Variants in RTBDN observed in about 807,000 individuals in gnomAD.
The protein encoded by RTBDN is retbindin.
Under a neutral mutation model 21.9 loss-of-function variants are expected in RTBDN, and 24 were observed. The observed-to-expected ratio is 1.10, with a 90% CI of 0.79 to 1.54. The LOEUF is 1.54. Among genes scored for constraint, RTBDN ranks in the 40% most tolerant of loss-of-function variants. RTBDN has a pLI of 0.00. For missense variants in RTBDN, 325 were observed against 315.2 expected, an observed-to-expected ratio of 1.03 and a Z score of -0.23; for synonymous variants, 141 against 125.9, an observed-to-expected ratio of 1.12 and a Z score of -0.80.
intron 4 of RTBDN, 55 bp downstream of exon 4, chr19:12,828,602 C>T (rs1969416164): frequency 1.0e-5 from 14 of 1,393,990 alleles, no homozygotes; most frequent in African/African-American, 8.6e-5. Context: ...CTGCAGGCTC[C>T]GCCCTCTTCC....
chr19:12,826,910 A>G (rs187664864), intron 4 of RTBDN, 39 bp from the exon 5 acceptor site: 1 of 1,403,178 alleles, frequency 7.1e-7, no homozygotes, highest in Non-Finnish European at 9.9e-7. Flanking sequence ...AAGCCTTTGT[A>G]GTTACATTCC....
At chr19:12,827,320 AT>A (rs34634301) in intron 4 of RTBDN, among the ~76,000 whole-genome samples, 26,001 of 120,154 alleles carry the variant, frequency 0.22, 2,114 homozygotes, top group Admixed American at 0.25. Context: ...TGTCCGATTA[AT>A]TTTTTTTTTT....
chr19:12,832,008 T>C (rs1969591153), intron 1 of RTBDN, among the ~76,000 whole-genome samples: 1 of 152,212 alleles, frequency 6.6e-6, no homozygotes. Flanking sequence ...CCTAAGTATG[T>C]GTTTGTATGG....
intron 5 of RTBDN, chr19:12,826,343 G>A (rs998309014): frequency 8.1e-7 from 1 of 1,235,116 alleles, no homozygotes; most frequent in Admixed American, 3.6e-5. Flanking sequence ...GGGAAGGGTG[G>A]GAGCAGGGAC....
rs762263491 is a variant in RTBDN, at chr19:12,828,655, A to G, written c.365+2T>C. ...CACGCCCCTTGCCCCCGCGTCTCCT[A>G]CCAGGCCTGGCAGAGCTCCTCGCAG... On this transcript the variant is annotated splice_donor_variant, in intron 4 of 5. Coordinates refer to ENST00000674343, the MANE Select transcript of RTBDN (RefSeq NM_001270441.2). LOFTEE classifies it high-confidence loss of function. 6.2e-7 allele frequency: 1 copy of G among 1,610,280 alleles called. No individual in the cohort carries two copies. The highest frequency in any genetic ancestry group is 8.5e-7 in the Non-Finnish European group (1 of 1,177,756).
At chr19:12,831,016 TTGTG>T (rs56204944) in intron 1 of RTBDN, among the ~76,000 whole-genome samples, 18,543 of 132,138 alleles carry the variant, frequency 0.14, 1,614 homozygotes, top group African/African-American at 0.26. Context: ...GGTGGAGTGG[TTGTG>T]TGTGTGTGTG....
chr19:12,826,620 G>C (rs1177113511), intron 5 of RTBDN, 155 bp downstream of exon 5: 1 of 705,460 alleles, frequency 1.4e-6, no homozygotes, highest in South Asian at 1.9e-5. Flanking sequence ...CTTGAACCCC[G>C]GAGGCGGAGG....
Position 12,825,776 on chromosome 19 carries a change from C to T in RTBDN, c.620G>A (p.Arg207His). 1 of 1,603,062 alleles carries T rather than the reference C, an allele frequency of 6.2e-7. No homozygotes were observed. The highest frequency in any genetic ancestry group is 8.5e-7 in the Non-Finnish European group (1 of 1,173,716). ...RGREAPSRRS[R>H]SPRTSILDAA... ...GTCCAGGATGGAGGTGCGAGGGCTG[C>T]GGGAACGCCGGGAGGGAGCTTCCCG... The change falls in exon 6 of 6, where the codon CGC becomes CAC. Residue 207 changes from arginine to histidine, a missense_variant. Coordinates refer to ENST00000674343, the MANE Select transcript of RTBDN (RefSeq NM_001270441.2).
rs796889158 is a variant in RTBDN at position 12,834,356 on chromosome 19, T to A, written c.-19+133A>T. 2.0e-5 allele frequency: 13 copies of A among 660,852 alleles called. No homozygotes were observed. In the East Asian group the frequency reaches 3.3e-4, roughly 17 times the overall value. 40.9% of individuals were successfully genotyped at this position (660,852 alleles called of 1,614,324 possible). ...GGTGAGGGGGCGCAGAGCAAAGTTA[T>A]TGCCCTAGGGCTCATGCCCCTCGGG... On this transcript the variant is annotated intron_variant, in intron 1 of 5. Transcript: ENST00000674343. The surrounding 1 kb of genome is among the most constrained non-coding windows in gnomAD (Gnocchi z 4.7).
In RTBDN at chr19:12,826,632, T is replaced by C. The variant is rs1969310503; in HGVS notation, c.462+143A>G. On this transcript the variant is annotated intron_variant, in intron 5 of 5. Transcript: ENST00000674343. ...TCACTTGAACCCCGGAGGCGGAGGT[T>C]GCATCGAGCTGAGATCGCGCCACTG... The C allele has an allele frequency of 5.5e-6, 4 of 720,852 alleles. No individual in the cohort carries two copies. In the East Asian group the frequency reaches 1.1e-4, roughly 20 times the overall value. 44.7% of individuals were successfully genotyped at this position (720,852 alleles called of 1,614,324 possible).
In RTBDN at chr19:12,830,060, G is replaced by A. The variant is rs2145858315; in HGVS notation, c.-18-63C>T. 6.5e-7 allele frequency: 1 copy of A among 1,529,216 alleles called. No homozygotes were observed. The highest frequency in any genetic ancestry group is 8.9e-7 in the Non-Finnish European group (1 of 1,120,790). 94.7% of individuals were successfully genotyped at this position (1,529,216 alleles called of 1,614,324 possible). ...GTGAGCTTAGGGTGGCACCCACCCA[G>A]TGCATACCCAAGAAGCAGTGCCAGG... is the stretch of plus-strand genomic sequence containing the variant. On this transcript the variant is annotated intron_variant, in intron 1 of 5. Coordinates refer to ENST00000674343, the MANE Select transcript of RTBDN (RefSeq NM_001270441.2). This position sits in a 1 kb window ranked among gnomAD's most constrained non-coding sequence, Gnocchi z 4.2.
chr19:12,826,062 T>A (rs1969284401), intron 5 of RTBDN, 129 bp from the exon 6 acceptor site: 1 of 1,413,750 alleles, frequency 7.1e-7, no homozygotes, highest in African/African-American at 1.5e-5. Context: ...GGCCTGGGAG[T>A]CTATGTGCGG....
intron 2 of RTBDN, among the ~76,000 whole-genome samples, chr19:12,829,194 C>CTTTTTTT: frequency 6.8e-6 from 1 of 146,738 alleles, no homozygotes. Context: ...AATCCTTTTC[C>CTTTTTTT]TTTTTTTTTT....
chr19:12,830,984 G>A lies in RTBDN; in HGVS notation c.-18-987C>T, dbSNP rs925458517. 7.2e-6 allele frequency among the ~76,000 whole-genome samples: 1 copy of A among 139,658 alleles called. No individual in the cohort carries two copies. The highest frequency in any genetic ancestry group is 1.5e-5 in the Non-Finnish European group (1 of 65,034). 91.6% of individuals were successfully genotyped at this position (139,658 alleles called of 152,430 possible). A position where few individuals can be genotyped will look rare whatever the true frequency, so the allele number is the denominator to read the frequency against. On this transcript the variant is annotated intron_variant, in intron 1 of 5. Transcript: ENST00000674343. This position sits in a 1 kb window ranked among gnomAD's most constrained non-coding sequence, Gnocchi z 4.2. ...TGTATGTGTGTTTTTGTTGTATGAG[G>A]TTATGTTTATGTGTGTTTCTTGGTG...
Position 12,829,927 on chromosome 19 carries a change from A to G in RTBDN, c.53T>C (p.Leu18Pro), listed in dbSNP as rs544670672. ...TTCTAGCAGGATCCATGCCAAGGTC[A>G]GTTGCAGCACCCACGTCAGGCCGAT... ...RPIGLTWVLQ[L>P]TLAWILLEAC... Residue 18 changes from leucine (L) to proline (P), a missense_variant, in exon 2 of 6, where the codon CTG becomes CCG. Coordinates refer to ENST00000674343, the MANE Select transcript of RTBDN (RefSeq NM_001270441.2). 3.1e-6 allele frequency: 5 copies of G among 1,614,182 alleles called. No individual in the cohort carries two copies. In the African/African-American group the frequency reaches 6.7e-5, roughly 22 times the overall value.
chr19:12,831,016 T>TTGTGTGTGTGTG (rs56204944), intron 1 of RTBDN, among the ~76,000 whole-genome samples: 2 of 132,478 alleles, frequency 1.5e-5, no homozygotes, highest in East Asian at 2.2e-4. Context: ...GGTGGAGTGG[T>TTGTGTGTGTGTG]TGTGTGTGTG....
intron 1 of RTBDN, among the ~76,000 whole-genome samples, chr19:12,833,655 G>A (rs1428071920): frequency 6.6e-6 from 1 of 152,078 alleles, no homozygotes; most frequent in Non-Finnish European, 1.5e-5. Flanking sequence ...CTCCTCTGGG[G>A]TGTCTCTTTT....
chr19:12,829,468 G>T (rs904681238), intron 2 of RTBDN, among the ~76,000 whole-genome samples: 18 of 152,166 alleles, frequency 1.2e-4, no homozygotes, highest in Non-Finnish European at 4.4e-5. Flanking sequence ...CTCCCAAAGT[G>T]CTGGGATTAT....
At chr19:12,834,756 G>A (rs1457513605), upstream of RTBDN, 1 of 1,611,106 alleles carries the variant, frequency 6.2e-7, no homozygotes, top group South Asian at 1.1e-5. The surrounding 1 kb of genome is among the most constrained non-coding windows in gnomAD (Gnocchi z 4.7). Flanking sequence ...GGGAAGGCGG[G>A]GACAAACTCA....
Sources: gnomAD v4.1 joint callset for allele counts (sites outside exome capture counted in the v4.1 genomes callset) on GRCh38, gnomAD v4.1.1 for gene constraint, Gnocchi (gnomAD v3.1) non-coding constraint, MANE v1.5 for transcripts, NCBI Gene and HGNC (gene_info 2026-07-23, HGNC 2026-07-21) for gene names.